The following HPSE2 variants were observed in gnomAD, a reference collection of about 807,000 sequenced individuals.
The protein encoded by HPSE2 is inactive heparanase-2.
HPSE2 carries 38 observed loss-of-function variants against 60.5 expected under a neutral mutation model. That is an observed-to-expected ratio of 0.63 (90% CI 0.48 to 0.82). The LOEUF is 0.82. HPSE2 is among the 40% of genes least tolerant of loss of function. The pLI is 0.00. For missense variants in HPSE2, 713 were observed against 740.4 expected, an observed-to-expected ratio of 0.96 and a Z score of 0.43; for synonymous variants, 295 against 293.2, an observed-to-expected ratio of 1.01 and a Z score of -0.06.
intron 9 of HPSE2, among the ~76,000 whole-genome samples, chr10:98,596,804 CAATTT>C (rs1315094524): frequency 6.6e-6 from 1 of 151,942 alleles, no homozygotes; most frequent in Non-Finnish European, 1.5e-5. Flanking sequence ...TGATTTTTGA[CAATTT>C]AATTATAATA....
At chr10:99,115,426 T>C (rs1844649359) in intron 3 of HPSE2, among the ~76,000 whole-genome samples, 1 of 152,066 alleles carries the variant, frequency 6.6e-6, no homozygotes, top group Non-Finnish European at 1.5e-5. Flanking sequence ...AGTGCTGGGA[T>C]TACAGGTGTG....
chr10:99,038,379 T>C (rs886822235), intron 3 of HPSE2, among the ~76,000 whole-genome samples: 1 of 152,134 alleles, frequency 6.6e-6, no homozygotes, highest in African/African-American at 2.4e-5. Flanking sequence ...TGGATGACTA[T>C]CAAGAGCATT....
At chr10:98,628,393 CTG>C (rs1440099628) in intron 7 of HPSE2, among the ~76,000 whole-genome samples, 2 of 152,146 alleles carry the variant, frequency 1.3e-5, no homozygotes, top group African/African-American at 4.8e-5. Flanking sequence ...TAGTTCAACA[CTG>C]TGGTTTTTTG....
intron 9 of HPSE2, among the ~76,000 whole-genome samples, chr10:98,565,191 A>G (rs1274099209): frequency 6.6e-6 from 1 of 151,400 alleles, no homozygotes; most frequent in African/African-American, 2.4e-5. Flanking sequence ...AAGTTCCAGG[A>G]TACATGCGCA....
At chr10:98,818,501 T>C (rs890946498) in intron 3 of HPSE2, among the ~76,000 whole-genome samples, 8 of 152,186 alleles carry the variant, frequency 5.3e-5, no homozygotes, top group African/African-American at 1.7e-4. Flanking sequence ...ACTCACCTCC[T>C]GCCATGTGGA....
chr10:99,214,095 A>G (rs1370625327), intron 2 of HPSE2, among the ~76,000 whole-genome samples: 1 of 152,246 alleles, frequency 6.6e-6, no homozygotes, highest in Non-Finnish European at 1.5e-5. Flanking sequence ...GTCAAAAAGC[A>G]CAGGAAAAGA....
At position 99,203,639 on chromosome 10, in the gene HPSE2, C is replaced by T. The variant is rs1231468309; in HGVS notation, c.448+28709G>A. ...CCCACAGACACAGGCTTCAGGAGCTCCCTGTGGGCCCAGGTTCCAGACCCA... is the reference window on the plus strand; with the variant it reads ...CCCACAGACACAGGCTTCAGGAGCTTCCTGTGGGCCCAGGTTCCAGACCCA... On this transcript the variant is annotated intron_variant, in intron 2 of 11. Coordinates refer to ENST00000370552, the MANE Select transcript of HPSE2 (RefSeq NM_021828.5). Among the ~76,000 whole-genome samples the T allele has an allele frequency of 3.3e-5, 5 of 152,174 alleles. No homozygotes were observed. In the South Asian group the frequency reaches 1.0e-3, roughly 32 times the overall value.
At chr10:98,600,854 AT>A (rs1389901849) in intron 9 of HPSE2, among the ~76,000 whole-genome samples, 1 of 140,896 alleles carries the variant, frequency 7.1e-6, no homozygotes, top group Non-Finnish European at 1.5e-5. Flanking sequence ...ACACACACAT[AT>A]TATATATATA....
At chr10:98,533,112 G>T (rs985909613) in intron 9 of HPSE2, among the ~76,000 whole-genome samples, 2 of 152,192 alleles carry the variant, frequency 1.3e-5, no homozygotes, top group Admixed American at 6.5e-5. Context: ...CTATGAGTCT[G>T]TGAATCCAAA....
chr10:99,266,137 G>C, the HPSE2 span, among the ~76,000 whole-genome samples: 1 of 152,188 alleles, frequency 6.6e-6, no homozygotes, highest in Admixed American at 6.5e-5. Flanking sequence ...GACAGAACTT[G>C]GGGGAGGGAG....
the HPSE2 span, among the ~76,000 whole-genome samples, chr10:99,290,164 TAAAG>T: frequency 1.3e-5 from 2 of 152,172 alleles, no homozygotes; most frequent in Admixed American, 6.5e-5. Context: ...CATAAAATGA[TAAAG>T]AGAGTAGGGG....
At chr10:99,065,373 A>T (rs1186464770) in intron 3 of HPSE2, among the ~76,000 whole-genome samples, 1 of 152,130 alleles carries the variant, frequency 6.6e-6, no homozygotes, top group East Asian at 1.9e-4. Context: ...TCTCCCTCCC[A>T]ACAAAGCCTA....
At chr10:98,627,325 A>G (rs1343880654) in intron 7 of HPSE2, among the ~76,000 whole-genome samples, 1 of 152,120 alleles carries the variant, frequency 6.6e-6, no homozygotes, top group Non-Finnish European at 1.5e-5. Flanking sequence ...AAAAACAAAA[A>G]ATTAGCCAAT....
intron 3 of HPSE2, among the ~76,000 whole-genome samples, chr10:98,962,457 A>G (rs1055479920): frequency 1.3e-5 from 2 of 152,142 alleles, no homozygotes; most frequent in Admixed American, 6.6e-5. Flanking sequence ...ATTTATGACA[A>G]ACCCACAGCC....
chr10:99,279,529 T>A, the HPSE2 span, among the ~76,000 whole-genome samples: 1 of 152,240 alleles, frequency 6.6e-6, no homozygotes, highest in African/African-American at 2.4e-5. Context: ...CTTTCCTTTG[T>A]CAAATACTGT....
At chr10:99,286,770 C>T in the HPSE2 span, among the ~76,000 whole-genome samples, 2 of 152,008 alleles carry the variant, frequency 1.3e-5, no homozygotes, top group African/African-American at 4.8e-5. Context: ...AGACTTATCC[C>T]ATTACATTAA....
intron 3 of HPSE2, among the ~76,000 whole-genome samples, chr10:99,041,271 C>T (rs1331600439): frequency 6.6e-6 from 1 of 151,844 alleles, no homozygotes; most frequent in Non-Finnish European, 1.5e-5. Context: ...ATCCAGGAGG[C>T]CACATTGAGA....
chr10:98,726,949 T>TGCACTGGCAAAAGGTGGAAGGC (rs1949100287), intron 4 of HPSE2, among the ~76,000 whole-genome samples: 1 of 152,124 alleles, frequency 6.6e-6, no homozygotes. Context: ...AACACAGAGA[T>TGCACTGGCAAAAGGTGGAAGGC]GCACTGGCAA....
intron 3 of HPSE2, among the ~76,000 whole-genome samples, chr10:98,859,897 CA>C (rs1454871919): frequency 6.6e-6 from 1 of 151,928 alleles, no homozygotes; most frequent in African/African-American, 2.4e-5. Context: ...TTACTATATA[CA>C]GTAAGATATT....
Sources: gnomAD v4.1 joint callset for allele counts (sites outside exome capture counted in the v4.1 genomes callset) on GRCh38, gnomAD v4.1.1 for gene constraint, MANE v1.5 for transcripts, NCBI Gene and HGNC (gene_info 2026-07-23, HGNC 2026-07-21) for gene names.